EIF4G3: variants seen among roughly 807,000 people sequenced by gnomAD.
The protein encoded by EIF4G3 is eukaryotic translation initiation factor 4 gamma 3, also known as eIF-4-gamma 3.
In EIF4G3, 34 loss-of-function variants were observed where a neutral mutation model predicts 186.4. The observed-to-expected ratio is 0.18, with a 90% CI of 0.14 to 0.24. The LOEUF is 0.24. EIF4G3 is among the 10% of genes least tolerant of loss of function. EIF4G3 has a pLI of 1.00. For missense variants in EIF4G3, 1,536 were observed against 1,948.5 expected, an observed-to-expected ratio of 0.79 and a Z score of 3.99; for synonymous variants, 673 against 679.5, an observed-to-expected ratio of 0.99 and a Z score of 0.15.
intron 2 of EIF4G3, among the ~76,000 whole-genome samples, chr1:21,159,828 C>T (rs2097729431): frequency 6.6e-6 from 1 of 151,622 alleles, no homozygotes; most frequent in African/African-American, 2.4e-5. Context: ...ATCCAGATGC[C>T]AGGTGCGGTG....
At chr1:21,115,526 G>T (rs2096801626) in intron 2 of EIF4G3, among the ~76,000 whole-genome samples, 1 of 152,036 alleles carries the variant, frequency 6.6e-6, no homozygotes, top group Non-Finnish European at 1.5e-5. Context: ...AAATTTGTTA[G>T]GAAACAAACA....
At chr1:20,925,304 G>A (rs898142980) in intron 14 of EIF4G3, among the ~76,000 whole-genome samples, 7 of 151,900 alleles carry the variant, frequency 4.6e-5, no homozygotes, top group African/African-American at 1.7e-4. Flanking sequence ...TCAAAGGGAG[G>A]TTTTCCCTAC....
chr1:21,081,170 C>A (rs985717308), intron 3 of EIF4G3, among the ~76,000 whole-genome samples: 8 of 152,168 alleles, frequency 5.3e-5, no homozygotes, highest in African/African-American at 1.9e-4. Flanking sequence ...TGGTGGCTCA[C>A]GCCTGTAATC....
chr1:21,068,065 T>C (rs1443203195), intron 3 of EIF4G3, among the ~76,000 whole-genome samples: 1 of 152,086 alleles, frequency 6.6e-6, no homozygotes, highest in African/African-American at 2.4e-5. Flanking sequence ...CTTTTGACCT[T>C]ATTTGTGATC....
intron 2 of EIF4G3, among the ~76,000 whole-genome samples, chr1:21,171,215 G>A (rs1010959966): frequency 2.6e-5 from 4 of 152,126 alleles, no homozygotes; most frequent in South Asian, 2.1e-4. Context: ...AGTCATATGC[G>A]TGGCTAATAA....
chr1:21,057,562 A>C (rs2094620491), intron 3 of EIF4G3, among the ~76,000 whole-genome samples: 1 of 152,186 alleles, frequency 6.6e-6, no homozygotes, highest in Non-Finnish European at 1.5e-5. Flanking sequence ...AAATTATGAC[A>C]GAAAGGGCAT....
chr1:21,041,435 A>G (rs1184206686), intron 4 of EIF4G3, among the ~76,000 whole-genome samples: 1 of 152,186 alleles, frequency 6.6e-6, no homozygotes, highest in East Asian at 1.9e-4. Flanking sequence ...AAATTCATGT[A>G]TTAAAAATCC....
chr1:21,130,976 T>C (rs1201606817), intron 2 of EIF4G3, among the ~76,000 whole-genome samples: 1 of 152,072 alleles, frequency 6.6e-6, no homozygotes, highest in Admixed American at 6.6e-5. Context: ...CTCATACCTA[T>C]AATCCCAGCA....
rs1263989685 is a variant in EIF4G3, at chr1:20,813,945, CTGTTT to C, written c.4516-711_4516-707del. Among the ~76,000 whole-genome samples the C allele has an allele frequency of 6.1e-5, 7 of 114,544 alleles. No individual in the cohort carries two copies. The East Asian group carries it at 1.6e-3, about 27-fold the overall frequency. 75.1% of individuals were successfully genotyped at this position (114,544 alleles called of 152,430 possible). A position where few individuals can be genotyped will look rare whatever the true frequency, so the allele number is the denominator to read the frequency against. On this transcript the variant is annotated intron_variant, in intron 34 of 36. Coordinates refer to ENST00000602326, the MANE Select transcript of EIF4G3 (RefSeq NM_001391906.1). The stretch of plus-strand genomic sequence containing the variant: ...TCTGGCACTAAGAACAGATGAGTCA[CTGTTT>C]TTTTTTTTTTTTTTTTTTTGAGACT...
intron 19 of EIF4G3, among the ~76,000 whole-genome samples, chr1:20,883,387 G>A (rs1314143936): frequency 2.0e-5 from 3 of 152,088 alleles, no homozygotes; most frequent in Admixed American, 6.5e-5. Flanking sequence ...GGGAGGCCGA[G>A]GTGGGCAGAT....
intron 3 of EIF4G3, among the ~76,000 whole-genome samples, chr1:21,078,702 T>C (rs1347477665): frequency 6.6e-6 from 1 of 152,198 alleles, no homozygotes; most frequent in African/African-American, 2.4e-5. Context: ...ATAACACACG[T>C]GGCTGGGCAT....
At chr1:20,956,085 C>G (rs1398023602) in intron 12 of EIF4G3, among the ~76,000 whole-genome samples, 8 of 152,070 alleles carry the variant, frequency 5.3e-5, no homozygotes, top group African/African-American at 1.9e-4. Context: ...AACAATAATT[C>G]CACTGAATTC....
intron 3 of EIF4G3, among the ~76,000 whole-genome samples, chr1:21,075,018 A>G (rs2095543839): frequency 6.6e-6 from 1 of 152,186 alleles, no homozygotes; most frequent in Admixed American, 6.5e-5. Flanking sequence ...AGATACACAA[A>G]GAAGAAAGAA....
chr1:20,905,655 A>C lies in EIF4G3; in HGVS notation c.1664-684T>G, dbSNP rs577290405. ...TTAAGTTTACAAAGGGCTTTAAAAAATTCATCTGGCTTACAAATTCCACAG... is the reference window on the plus strand; with the variant it reads ...TTAAGTTTACAAAGGGCTTTAAAAACTTCATCTGGCTTACAAATTCCACAG... On this transcript the variant is annotated intron_variant, in intron 14 of 36. Transcript: ENST00000602326. Among the ~76,000 whole-genome samples the C allele has an allele frequency of 2.0e-5, 3 of 152,328 alleles. No individual in the cohort carries two copies. In the South Asian group the frequency reaches 6.2e-4, roughly 32 times the overall value.
chr1:20,834,170 C>T (rs2066073482), intron 30 of EIF4G3, among the ~76,000 whole-genome samples: 1 of 152,098 alleles, frequency 6.6e-6, no homozygotes, highest in Non-Finnish European at 1.5e-5. Flanking sequence ...AAGATCCGGC[C>T]AGGCGCAATG....
chr1:20,936,163 C>T (rs1485478204), intron 14 of EIF4G3, among the ~76,000 whole-genome samples: 1 of 152,112 alleles, frequency 6.6e-6, no homozygotes, highest in East Asian at 1.9e-4. Context: ...AAGAATTTGA[C>T]CAGCATCAGT....
At chr1:21,173,992 A>G (rs981852112) in intron 2 of EIF4G3, among the ~76,000 whole-genome samples, 1 of 152,204 alleles carries the variant, frequency 6.6e-6, no homozygotes, top group Non-Finnish European at 1.5e-5. Context: ...TCTACAACCT[A>G]TACTTCCTTT....
At chr1:21,073,929 A>G (rs1381391131) in intron 3 of EIF4G3, among the ~76,000 whole-genome samples, 1 of 152,132 alleles carries the variant, frequency 6.6e-6, no homozygotes, top group Non-Finnish European at 1.5e-5. Flanking sequence ...ACCTTCTCTC[A>G]TATCTTAACA....
At chr1:20,849,576 T>C in intron 28 of EIF4G3, 46 bp from the exon 29 acceptor site, 1 of 869,250 alleles carries the variant, frequency 1.2e-6, no homozygotes, top group Non-Finnish European at 1.7e-6. Flanking sequence ...TAAAAATTAC[T>C]ATTAAAATAG....
Sources: allele counts gnomAD v4.1 joint callset (sites outside exome capture counted in the v4.1 genomes callset), GRCh38; gene constraint gnomAD v4.1.1; transcripts MANE v1.5; gene names NCBI Gene and HGNC (gene_info 2026-07-23, HGNC 2026-07-21).